The following BAP1 variants were observed in gnomAD, a reference collection of about 807,000 sequenced individuals.
BAP1 encodes BRCA1 associated deubiquitinase 1, also known as ubiquitin carboxyl-terminal hydrolase BAP1.
A neutral mutation model predicts 77.2 loss-of-function variants in BAP1; 16 were observed. The observed-to-expected ratio is 0.21, with a 90% CI of 0.14 to 0.31. The LOEUF is 0.31. Ranked by LOEUF, BAP1 falls within the 10% of genes least tolerant of loss-of-function variation. The pLI is 1.00. For missense variants in BAP1, 699 were observed against 967.3 expected, an observed-to-expected ratio of 0.72 and a Z score of 3.68; for synonymous variants, 362 against 385.2, an observed-to-expected ratio of 0.94 and a Z score of 0.71.
intron 11 of BAP1, among the ~76,000 whole-genome samples, chr3:52,404,844 G>A (rs1259648887): frequency 1.3e-5 from 2 of 152,204 alleles, no homozygotes; most frequent in Admixed American, 6.5e-5. Flanking sequence ...CCCAACCCAT[G>A]AAGTTGTACC....
intron 1 of BAP1, 26 bp from the exon 2 acceptor site, chr3:52,409,769 GTGA>G (rs1472119322): frequency 6.2e-7 from 1 of 1,613,502 alleles, no homozygotes; most frequent in African/African-American, 1.3e-5. Flanking sequence ...AGAGGAGGGG[GTGA>G]TGGTCAGGCA....
chr3:52,407,031 G>A, intron 7 of BAP1, 124 bp from the exon 8 acceptor site: 2 of 1,498,178 alleles, frequency 1.3e-6, no homozygotes, highest in Non-Finnish European at 9.1e-7. Flanking sequence ...GGGCAATATG[G>A]TGTAGGGTGA....
In BAP1 at chr3:52,403,295, C is replaced by A. The variant is rs1331414323; in HGVS notation, c.1733G>T (p.Gly578Val). Residue 578 changes from glycine to valine, a missense_variant, in exon 14 of 17, where the codon GGT becomes GTT. This residue lies in a region of BAP1 where 475 missense variants were observed against 532.4 expected (regional missense o/e 0.89). Coordinates refer to ENST00000460680, the MANE Select transcript of BAP1 (RefSeq NM_004656.4). The surrounding 1 kb of genome is among the most constrained non-coding windows in gnomAD (Gnocchi z 4.0). ...GATGGAGGGCGAGGAACCCTTCCCA[C>A]CCTCTGGGAAGAGAGGTCACAAGAA... is the stretch of plus-strand genomic sequence containing the variant. ...GVLSPLALTE[G>V]GKGSSPSIRP... is the part of the protein sequence containing the mutation. The A allele has an allele frequency of 6.2e-7, 1 of 1,613,832 alleles. No homozygotes were observed. The highest frequency in any genetic ancestry group is 1.1e-5 in the South Asian group (1 of 91,084).
At position 52,406,657 on chromosome 3, in the gene BAP1, C is replaced by A; in HGVS notation, c.659+172G>T. 1.1e-6 allele frequency: 1 copy of A among 938,820 alleles called. No individual in the cohort carries two copies. The highest frequency in any genetic ancestry group is 1.5e-5 in the South Asian group (1 of 64,546). 58.2% of individuals were successfully genotyped at this position (938,820 alleles called of 1,614,324 possible). ...CCCCAGCCCACCCAGGAGCAGGCCA[C>A]AGGCAGCCCAGGCAGGAAATAAGAC... On this transcript the variant is annotated intron_variant, in intron 8 of 16. Transcript: ENST00000460680. This position sits in a 1 kb window ranked among gnomAD's most constrained non-coding sequence, Gnocchi z 4.6.
chr3:52,404,476 C>G lies in BAP1; in HGVS notation c.1227G>C (p.Val409=), dbSNP rs201203425. ...ACCTAAGGGCAGAGTTGGTGTTCTG[C>G]ACGTCATCCTCCTCGTCATCCTCAT... ...DDYEDDEEDD[V]QNTNSALRYK... The change falls in exon 12 of 17, where the codon GTG becomes GTC. Residue 409 remains valine (V), a synonymous_variant. Coordinates refer to ENST00000460680, the MANE Select transcript of BAP1 (RefSeq NM_004656.4). 16 of 1,614,238 alleles carry G rather than the reference C, an allele frequency of 9.9e-6. No homozygotes were observed. In the African/African-American group the frequency reaches 2.1e-4, roughly 22 times the overall value.
rs778628881 is a variant in BAP1, at chr3:52,403,512, G to A, written c.1633C>T (p.Arg545Cys). The change falls in exon 13 of 17, where the codon CGC (arginine) becomes TGC (cysteine). Residue 545 changes from arginine (R) to cysteine (C), a missense_variant. By Grantham distance (180) the Arg-to-Cys change is radical (BLOSUM62 -3). Transcript: ENST00000460680. This position sits in a 1 kb window ranked among gnomAD's most constrained non-coding sequence, Gnocchi z 4.0. ...DDSLLRVDCI[R>C]YNRAVRDLGP... is the part of the protein sequence containing the mutation. ...AGATCACGGACAGCACGGTTGTAGC[G>A]TATGCAGTCAACACGCAGCAGGCTG... The A allele has an allele frequency of 6.8e-6, 11 of 1,613,966 alleles. No individual in the cohort carries two copies. Among genetic ancestry groups the A allele is most frequent in the Non-Finnish European group, 9.3e-6 (11 of 1,180,018 alleles).
At position 52,406,685 on chromosome 3, in the gene BAP1, C is replaced by T. The variant is rs1220027971; in HGVS notation, c.659+144G>A. On this transcript the variant is annotated intron_variant, in intron 8 of 16. Transcript: ENST00000460680. The surrounding 1 kb of genome is among the most constrained non-coding windows in gnomAD (Gnocchi z 4.6). ...GCAGCCCAGGCAGGAAATAAGACAA[C>T]AAGTTGAGAACCCATGATCTAAGCC... 7 of 1,077,076 alleles carry T rather than the reference C, an allele frequency of 6.5e-6. No individual in the cohort carries two copies. Among genetic ancestry groups the T allele is most frequent in the Non-Finnish European group, 9.5e-6 (7 of 733,816 alleles). The allele number at this position is 1,077,076 out of a possible 1,614,324, so 66.7% of individuals were successfully genotyped here. A position where few individuals can be genotyped will look rare whatever the true frequency, so the allele number is the denominator to read the frequency against.
intron 3 of BAP1, 73 bp downstream of exon 3, chr3:52,409,481 A>G (rs2153228462): frequency 6.3e-7 from 1 of 1,582,088 alleles, no homozygotes; most frequent in Non-Finnish European, 8.7e-7. Flanking sequence ...TGTCTTCCCT[A>G]AGGGGCCCTG....
In BAP1 at chr3:52,402,055, C is replaced by T. The variant is rs1426579084; in HGVS notation, c.*233G>A. 20 of 695,826 alleles carry T rather than the reference C, an allele frequency of 2.9e-5. No individual in the cohort carries two copies. The East Asian group carries it at 3.9e-4, about 13-fold the overall frequency. The allele number at this position is 695,826 out of a possible 1,614,324, so 43.1% of individuals were successfully genotyped here. On this transcript the variant is annotated 3_prime_UTR_variant, in exon 17 of 17. Transcript: ENST00000460680. The surrounding 1 kb of genome is among the most constrained non-coding windows in gnomAD (Gnocchi z 5.3). ...GCCGGCTGTGGAGGAAGCTGCAGTA[C>T]CTCGCTGTGCCCCAACTCCAGATGC...
At chr3:52,404,416 C>T (rs201068554) in intron 12 of BAP1, 37 bp downstream of exon 12, 74 of 1,614,044 alleles carry the variant, frequency 4.6e-5, no homozygotes, top group Non-Finnish European at 5.9e-5. Flanking sequence ...GGATCCGAAG[C>T]ACCTAGAACC....
At chr3:52,407,776 G>A (rs144823505) in intron 5 of BAP1, among the ~76,000 whole-genome samples, 182 bp downstream of exon 5, 162 of 152,268 alleles carry the variant, frequency 1.1e-3, no homozygotes, top group African/African-American at 3.6e-3. Context: ...TCCTTTCCCC[G>A]CAACTGCATC....
rs759423683 is a variant in BAP1, at chr3:52,403,222, C to T, written c.1806G>A (p.Glu602=). ...SQGSSSPVEK[E]VVEATDSREK... ...CTCTGCTGTCCGTGGCTTCCACGAC[C>T]TCCTTCTCCACTGGGCTGCTGGACC... The change falls in exon 14 of 17, where the codon GAG becomes GAA. Residue 602 remains glutamate, a synonymous_variant. Coordinates refer to ENST00000460680, the MANE Select transcript of BAP1 (RefSeq NM_004656.4). This position sits in a 1 kb window ranked among gnomAD's most constrained non-coding sequence, Gnocchi z 4.0. 31 of 1,614,096 alleles carry T rather than the reference C, an allele frequency of 1.9e-5. No homozygotes were observed. The South Asian group carries it at 3.1e-4, about 16-fold the overall frequency.
At position 52,401,944 on chromosome 3, in the gene BAP1, T is replaced by C. The variant is rs1704968974; in HGVS notation, c.*344A>G. On this transcript the variant is annotated 3_prime_UTR_variant, in exon 17 of 17. Coordinates refer to ENST00000460680, the MANE Select transcript of BAP1 (RefSeq NM_004656.4). ...TATGTCAACATGGTGGCATGTTGGGTTGGAGCCCAGAAAAATAGATGTCTC... is the reference window on the plus strand; with the variant it reads ...TATGTCAACATGGTGGCATGTTGGGCTGGAGCCCAGAAAAATAGATGTCTC... 1 of 438,194 alleles carries C rather than the reference T, an allele frequency of 2.3e-6. No individual in the cohort carries two copies. The highest frequency in any genetic ancestry group is 4.2e-6 in the Non-Finnish European group (1 of 239,144). 27.1% of individuals were successfully genotyped at this position (438,194 alleles called of 1,614,324 possible). A position where few individuals can be genotyped will look rare whatever the true frequency, so the allele number is the denominator to read the frequency against.
rs1705018380 is a variant in BAP1 at position 52,403,095 on chromosome 3, C to T, written c.1890+43G>A. 6.2e-6 allele frequency: 10 copies of T among 1,607,854 alleles called. No individual in the cohort carries two copies. Among genetic ancestry groups the T allele is most frequent in the Admixed American group, 1.7e-5 (1 of 59,994 alleles). On this transcript the variant is annotated intron_variant, in intron 14 of 16. Transcript: ENST00000460680. The surrounding 1 kb of genome is among the most constrained non-coding windows in gnomAD (Gnocchi z 4.0). ...CTGGGCAGGAGGAGCTCAGGCCTTACCCTCTGCCAGGATTAAAGGAGAAAA... is the reference window on the plus strand; with the variant it reads ...CTGGGCAGGAGGAGCTCAGGCCTTATCCTCTGCCAGGATTAAAGGAGAAAA...
chr3:52,406,815 C>A lies in BAP1; in HGVS notation c.659+14G>T, dbSNP rs1461632762. 8 of 1,553,536 alleles carry A rather than the reference C, an allele frequency of 5.1e-6. No individual in the cohort carries two copies. In the South Asian group the frequency reaches 5.9e-5, roughly 12 times the overall value. ...GCTCCAGAGAGTAGAACAGGGCAGG[C>A]ACAGGGCCCTTACCCTGCAGTGGCG... On this transcript the variant is annotated intron_variant, in intron 8 of 16. Coordinates refer to ENST00000460680, the MANE Select transcript of BAP1 (RefSeq NM_004656.4). This position sits in a 1 kb window ranked among gnomAD's most constrained non-coding sequence, Gnocchi z 4.6.
Position 52,407,993 on chromosome 3 carries a change from G to C in BAP1, c.340C>G (p.Arg114Gly), listed in dbSNP as rs761048859. 6.2e-7 allele frequency: 1 copy of C among 1,613,912 alleles called. No individual in the cohort carries two copies. Among genetic ancestry groups the C allele is most frequent in the Non-Finnish European group, 8.5e-7 (1 of 1,180,004 alleles). The change falls in exon 5 of 17, where the codon CGC becomes GGC. Residue 114 changes from arginine (R) to glycine (G), a missense_variant. Arg to Gly is a moderately radical substitution (Grantham distance 125). Transcript: ENST00000460680. ...AAACCCTTGGTGAAGTCCTTCATGC[G>C]ACTCAGGGTGGGTCCCAGGTCCACG... ...SSVDLGPTLS[R>G]MKDFTKGFSP...
Position 52,406,082 on chromosome 3 carries a change from C to G in BAP1, c.784-170G>C, listed in dbSNP as rs930725867. 1.3e-5 allele frequency among the ~76,000 whole-genome samples: 2 copies of G among 152,238 alleles called. No homozygotes were observed. Among genetic ancestry groups the G allele is most frequent in the Non-Finnish European group, 2.9e-5 (2 of 68,040 alleles). On this transcript the variant is annotated intron_variant, in intron 9 of 16. Coordinates refer to ENST00000460680, the MANE Select transcript of BAP1 (RefSeq NM_004656.4). This position sits in a 1 kb window ranked among gnomAD's most constrained non-coding sequence, Gnocchi z 4.6. Reference sequence around the variant, plus strand: ...CCTTTTAGAAGCTATTCTCCCTCCCCACTCCAAGTCCCACCTTTCCCACAA... The same window carrying G: ...CCTTTTAGAAGCTATTCTCCCTCCCGACTCCAAGTCCCACCTTTCCCACAA...
chr3:52,406,694 A>G lies in BAP1; in HGVS notation c.659+135T>C, dbSNP rs1287192695. On this transcript the variant is annotated intron_variant, in intron 8 of 16. Transcript: ENST00000460680. This position sits in a 1 kb window ranked among gnomAD's most constrained non-coding sequence, Gnocchi z 4.6. The stretch of plus-strand genomic sequence containing the variant: ...GCAGGAAATAAGACAACAAGTTGAG[A>G]ACCCATGATCTAAGCCTGATCTTGC... 2.2e-5 allele frequency: 25 copies of G among 1,120,698 alleles called. No individual in the cohort carries two copies. The highest frequency in any genetic ancestry group is 2.6e-6 in the Non-Finnish European group (2 of 767,928). The allele number at this position is 1,120,698 out of a possible 1,614,324, so 69.4% of individuals were successfully genotyped here.
Position 52,406,516 on chromosome 3 carries a change from T to A in BAP1, c.660-140A>T. On this transcript the variant is annotated intron_variant, in intron 8 of 16. Coordinates refer to ENST00000460680, the MANE Select transcript of BAP1 (RefSeq NM_004656.4). The surrounding 1 kb of genome is among the most constrained non-coding windows in gnomAD (Gnocchi z 4.6). ...CCCACCCCAACAGGCAGGCAGCGAC[T>A]AGCCATACATGCCAGGCACCTGAGC... 1 of 1,315,798 alleles carries A rather than the reference T, an allele frequency of 7.6e-7. No individual in the cohort carries two copies. Among genetic ancestry groups the A allele is most frequent in the South Asian group, 1.3e-5 (1 of 79,390 alleles). The allele number at this position is 1,315,798 out of a possible 1,614,324, so 81.5% of individuals were successfully genotyped here.
Sources: gnomAD v4.1 joint callset for allele counts (sites outside exome capture counted in the v4.1 genomes callset) on GRCh38, gnomAD v4.1.1 for gene constraint, gnomAD v4.1.1 regional missense constraint, Gnocchi (gnomAD v3.1) non-coding constraint, MANE v1.5 for transcripts, NCBI Gene and HGNC (gene_info 2026-07-23, HGNC 2026-07-21) for gene names.